Variants in MSI2 observed in about 807,000 individuals in gnomAD.
The protein encoded by MSI2 is musashi RNA binding protein 2, also known as RNA-binding protein Musashi homolog 2.
MSI2 carries 17 observed loss-of-function variants against 45.6 expected under a neutral mutation model. That is an observed-to-expected ratio of 0.37 (90% CI 0.26 to 0.56). The LOEUF is 0.56. Among genes scored for constraint, MSI2 ranks in the 20% least tolerant of loss-of-function variants. The probability of loss-of-function intolerance (pLI) is 0.77; values close to 1 mark genes in which losing one functional copy is unlikely to be tolerated. For synonymous variants in MSI2, 156 were observed against 158.2 expected (o/e 0.99, Z 0.11); for missense variants, 293 against 444.2 (o/e 0.66, Z 3.06).
At chr17:57,517,454 T>C (rs1214118730) in intron 6 of MSI2, among the ~76,000 whole-genome samples, 1 of 152,228 alleles carries the variant, frequency 6.6e-6, no homozygotes, top group Non-Finnish European at 1.5e-5. Flanking sequence ...CTACTGCTGC[T>C]GAATTCAGGC....
chr17:57,376,905 C>T (rs527847488), intron 5 of MSI2, among the ~76,000 whole-genome samples: 4 of 139,374 alleles, frequency 2.9e-5, no homozygotes, highest in Non-Finnish European at 6.2e-5. Context: ...CTGGGTGTCA[C>T]GTTGACCTGC....
intron 13 of MSI2, 51 bp downstream of exon 13, chr17:57,677,110 G>C: frequency 7.8e-7 from 1 of 1,282,744 alleles, no homozygotes; most frequent in Non-Finnish European, 1.1e-6. Flanking sequence ...GTCCGTACAT[G>C]TATGTCCACA....
chr17:57,660,362 C>T (rs540471785), intron 11 of MSI2, among the ~76,000 whole-genome samples: 5 of 152,282 alleles, frequency 3.3e-5, no homozygotes, highest in South Asian at 2.1e-4. Flanking sequence ...CCCTCTAAAC[C>T]GAATGGCTCT....
intron 5 of MSI2, among the ~76,000 whole-genome samples, chr17:57,332,388 A>C (rs1241131280): frequency 6.6e-6 from 1 of 152,198 alleles, no homozygotes. Context: ...GGCATGAGCC[A>C]TTGTGCCCAG....
At chr17:57,333,396 A>G (rs1041321145) in intron 5 of MSI2, among the ~76,000 whole-genome samples, 5 of 151,004 alleles carry the variant, frequency 3.3e-5, no homozygotes, top group Non-Finnish European at 5.9e-5. Context: ...TTACAGATTA[A>G]TTCTTAATCT....
intron 7 of MSI2, among the ~76,000 whole-genome samples, chr17:57,563,779 CACACAT>C (rs1480399560): frequency 9.4e-5 from 14 of 148,952 alleles, no homozygotes; most frequent in African/African-American, 2.8e-4. Flanking sequence ...CACACACACA[CACACAT>C]AGGCCTCTGT....
intron 6 of MSI2, among the ~76,000 whole-genome samples, chr17:57,424,562 C>A (rs1281288538): frequency 6.6e-6 from 1 of 152,192 alleles, no homozygotes. Flanking sequence ...TGCTGCCTGG[C>A]CTCCTGGAGT....
intron 5 of MSI2, chr17:57,285,978 A>G (rs1195849432): frequency 6.5e-7 from 1 of 1,534,440 alleles, no homozygotes; most frequent in Non-Finnish European, 8.7e-7. Context: ...GGGAGTGGAG[A>G]CCAATCTGTT....
chr17:57,309,972 G>A (rs1912240539), intron 5 of MSI2, among the ~76,000 whole-genome samples: 1 of 152,228 alleles, frequency 6.6e-6, no homozygotes, highest in Non-Finnish European at 1.5e-5. Flanking sequence ...TGATGATGGG[G>A]GTGCAGGGGC....
intron 6 of MSI2, among the ~76,000 whole-genome samples, chr17:57,468,453 G>C (rs557016240): frequency 1.4e-4 from 21 of 150,554 alleles, no homozygotes; most frequent in Non-Finnish European, 2.4e-4. Context: ...ACTGGGAGGC[G>C]GAGCTTGCAG....
chr17:57,560,099 G>A (rs774448026), intron 7 of MSI2, among the ~76,000 whole-genome samples: 2 of 152,254 alleles, frequency 1.3e-5, no homozygotes, highest in Non-Finnish European at 2.9e-5. Context: ...CTGGGATGGG[G>A]CAATGGAGGA....
rs34318112 is a variant in MSI2, at chr17:57,442,041, AT to A, written c.405+40584del. 3.9e-3 allele frequency among the ~76,000 whole-genome samples: 556 copies of A among 143,228 alleles called. 1 individual carries two copies. Among genetic ancestry groups the A allele is most frequent in the African/African-American group, 9.0e-3 (348 of 38,560 alleles). 94.0% of individuals were successfully genotyped at this position (143,228 alleles called of 152,430 possible). On this transcript the variant is annotated intron_variant, in intron 6 of 13. Transcript: ENST00000284073. ...ATGGTCCTGTACATCAACACAGCTG[AT>A]TTTTTTTTTTTTTGAGACAGAGTCT...
At chr17:57,371,090 G>A (rs575628110) in intron 5 of MSI2, among the ~76,000 whole-genome samples, 57 of 152,054 alleles carry the variant, frequency 3.7e-4, no homozygotes, top group African/African-American at 1.2e-3. Context: ...TTGCTAAATG[G>A]GCTTTTAAAA....
chr17:57,334,064 C>G (rs2695352), intron 5 of MSI2, among the ~76,000 whole-genome samples: 2,174 of 152,284 alleles, frequency 0.014, 52 homozygotes, highest in African/African-American at 0.049. Flanking sequence ...CTCCTCCTGT[C>G]CTTCCCCCAT....
downstream of MSI2, among the ~76,000 whole-genome samples, chr17:57,687,462 A>G (rs1348562332): frequency 6.6e-6 from 1 of 152,080 alleles, no homozygotes; most frequent in Non-Finnish European, 1.5e-5. Context: ...AGGAGTTAAC[A>G]GAGAAAAGAA....
At chr17:57,667,914 G>T (rs1014523850) in intron 11 of MSI2, among the ~76,000 whole-genome samples, 7 of 152,190 alleles carry the variant, frequency 4.6e-5, no homozygotes, top group Admixed American at 4.6e-4. Context: ...AACACACCAG[G>T]AGGGCCAGGC....
rs1017816412 is a variant in MSI2 at position 57,280,337 on chromosome 17, C to T, written c.312+18145C>T. On this transcript the variant is annotated intron_variant, in intron 5 of 13. Transcript: ENST00000284073. The surrounding 1 kb of genome is among the most constrained non-coding windows in gnomAD (Gnocchi z 4.2). The stretch of plus-strand genomic sequence containing the variant: ...CTACACGAAAAGTGGCTTGTGGGTA[C>T]CCCAGGGGGCTGTGGGGGAATCAGT... Among the ~76,000 whole-genome samples, 1 of 152,224 alleles carries T rather than the reference C, an allele frequency of 6.6e-6. No homozygotes were observed. Among genetic ancestry groups the T allele is most frequent in the East Asian group, 1.9e-4 (1 of 5,182 alleles).
chr17:57,277,133 G>A (rs1908940505), intron 5 of MSI2, among the ~76,000 whole-genome samples: 1 of 146,686 alleles, frequency 6.8e-6, no homozygotes, highest in African/African-American at 2.5e-5. Flanking sequence ...TGGGCTCACT[G>A]CAGCCTCCGC....
At chr17:57,423,626 G>A (rs16958349) in intron 6 of MSI2, among the ~76,000 whole-genome samples, 5,411 of 152,270 alleles carry the variant, frequency 0.036, 112 homozygotes, top group Middle Eastern at 0.085. Context: ...AGCATAATTT[G>A]CCATTTGTTA....
Sources: allele counts gnomAD v4.1 joint callset (sites outside exome capture counted in the v4.1 genomes callset), GRCh38; gene constraint gnomAD v4.1.1; non-coding constraint Gnocchi (gnomAD v3.1); transcripts MANE v1.5; gene names NCBI Gene and HGNC (gene_info 2026-07-23, HGNC 2026-07-21).